The following TSLP variants were observed in gnomAD, a reference collection of about 807,000 sequenced individuals.
The protein encoded by TSLP is thymic stromal lymphopoietin, also known as thymic stroma-derived lymphopoietin.
A neutral mutation model predicts 12.4 loss-of-function variants in TSLP; 12 were observed. That is an observed-to-expected ratio of 0.97 (90% confidence interval 0.62 to 1.57). TSLP has a LOEUF of 1.57. Ranked by LOEUF, TSLP falls within the 40% of genes most tolerant of loss-of-function variation. The pLI is 0.00. For missense variants in TSLP, 222 were observed against 189.6 expected, an observed-to-expected ratio of 1.17 and a Z score of -1.00; for synonymous variants, 97 against 69.5, an observed-to-expected ratio of 1.40 and a Z score of -1.97.
chr5:111,075,897 C>A, intron 3 of TSLP, 49 bp from the exon 4 acceptor site: 1 of 1,595,532 alleles, frequency 6.3e-7, no homozygotes, highest in South Asian at 1.1e-5. Flanking sequence ...TCAACAGTTA[C>A]TAAAGATAGT....
In TSLP at chr5:111,075,951, T is replaced by C. The variant is rs1424404991; in HGVS notation, c.357T>C (p.Asn119=). 1.2e-6 allele frequency: 2 copies of C among 1,612,776 alleles called. No homozygotes were observed. The highest frequency in any genetic ancestry group is 2.2e-5 in the East Asian group (1 of 44,864). ...WCPGYSETQI[N]ATQAMKKRRK... Reference sequence around the variant, plus strand: ...TTGATTCTTATATTCTGCAGATAAATGCTACTCAGGCAATGAAGAAGAGGA... The same window carrying C: ...TTGATTCTTATATTCTGCAGATAAACGCTACTCAGGCAATGAAGAAGAGGA... The change falls in exon 4 of 4, where the codon AAT becomes AAC. Residue 119 remains asparagine, a synonymous_variant. Transcript: ENST00000344895.
intron 3 of TSLP, among the ~76,000 whole-genome samples, chr5:111,073,975 G>T (rs556170826): frequency 1.1e-4 from 16 of 152,234 alleles, no homozygotes; most frequent in African/African-American, 3.9e-4. Flanking sequence ...CCAATTCCCA[G>T]GTACTCAACC....
rs1363708796 is a variant in TSLP at position 111,071,871 on chromosome 5, G to T, written c.-20G>T. 6 of 1,609,278 alleles carry T rather than the reference G, an allele frequency of 3.7e-6. No individual in the cohort carries two copies. Among genetic ancestry groups the T allele is most frequent in the Middle Eastern group, 1.7e-4 (1 of 6,036 alleles). ...GGGAAGAGTTTAGTGTGAAACTGGG[G>T]TGGAATTGGGTGTCCACGTATGTTC... On this transcript the variant is annotated 5_prime_UTR_variant, in exon 1 of 4. Coordinates refer to ENST00000344895, the MANE Select transcript of TSLP (RefSeq NM_033035.5).
chr5:111,071,178 G>C (rs559063322), upstream of TSLP: 2 of 334,136 alleles, frequency 6.0e-6, no homozygotes, highest in African/African-American at 2.1e-5. Context: ...TTCTGGTCAC[G>C]GTTGCACATT....
In TSLP at chr5:111,077,638, A is replaced by G. The variant is rs1393495067; in HGVS notation, c.*1564A>G. On this transcript the variant is annotated 3_prime_UTR_variant, in exon 4 of 4. Coordinates refer to ENST00000344895, the MANE Select transcript of TSLP (RefSeq NM_033035.5). ...CTGAACTATGAAAATAAATACACAT[A>G]ATTTTTCACAAAATTTTGGGCCCAA... 1.3e-5 allele frequency: 2 copies of G among 152,642 alleles called. No individual in the cohort carries two copies. Among genetic ancestry groups the G allele is most frequent in the Non-Finnish European group, 2.9e-5 (2 of 68,042 alleles). 9.5% of individuals were successfully genotyped at this position (152,642 alleles called of 1,614,324 possible).
chr5:111,073,340 C>A, intron 2 of TSLP, 171 bp from the exon 3 acceptor site: 1 of 1,456,546 alleles, frequency 6.9e-7, no homozygotes, highest in Non-Finnish European at 9.0e-7. Flanking sequence ...TGCTCCCCCG[C>A]GGTTGGTTCT....
At position 111,072,648 on chromosome 5, in the gene TSLP, T is replaced by C. The variant is rs568420754; in HGVS notation, c.172-240T>C. Among the ~76,000 whole-genome samples the C allele has an allele frequency of 2.0e-5, 3 of 152,288 alleles. No homozygotes were observed. In the East Asian group the frequency reaches 5.8e-4, roughly 29 times the overall value. On this transcript the variant is annotated intron_variant, in intron 1 of 3. Transcript: ENST00000344895. ...GCATAGTGCTATGTGCAGTTATGGCTTGAGGGAAGGGAGGGGGGAGGTCGC... is the reference window on the plus strand; with the variant it reads ...GCATAGTGCTATGTGCAGTTATGGCCTGAGGGAAGGGAGGGGGGAGGTCGC...
chr5:111,073,443 A>T (rs745782441), intron 2 of TSLP, 68 bp from the exon 3 acceptor site: 1 of 1,603,694 alleles, frequency 6.2e-7, no homozygotes, highest in East Asian at 2.2e-5. Flanking sequence ...CTTTCACTCA[A>T]TTCTCACCAA....
At chr5:111,072,804 G>C (rs979618229) in intron 1 of TSLP, 84 bp from the exon 2 acceptor site, 20 of 1,427,482 alleles carry the variant, frequency 1.4e-5, no homozygotes, top group Non-Finnish European at 1.8e-5. Context: ...CACCTTTAAA[G>C]CCTGGGAGCA....
In TSLP at chr5:111,073,033, G is replaced by A. The variant is rs911002231; in HGVS notation, c.216+101G>A. 2.3e-5 allele frequency: 33 copies of A among 1,405,674 alleles called. No homozygotes were observed. The African/African-American group carries it at 4.7e-4, about 20-fold the overall frequency. 87.1% of individuals were successfully genotyped at this position (1,405,674 alleles called of 1,614,324 possible). On this transcript the variant is annotated intron_variant, in intron 2 of 3. Coordinates refer to ENST00000344895, the MANE Select transcript of TSLP (RefSeq NM_033035.5). ...GTGCAGAACTCCGAGAGGTGCCTGG[G>A]CTCCGGGACGCCGCCGCCGGGGGAA...
intron 1 of TSLP, 29 bp from the exon 2 acceptor site, chr5:111,072,859 C>T (rs747531628): frequency 1.2e-6 from 2 of 1,612,810 alleles, no homozygotes; most frequent in Non-Finnish European, 1.7e-6. Flanking sequence ...AAGTCTTTAC[C>T]CTCTTTGTCC....
At chr5:111,070,377 A>G (rs573770733), upstream of TSLP, 1 of 147,436 alleles carries the variant, frequency 6.8e-6, no homozygotes, top group African/African-American at 2.5e-5. Context: ...CTTCCCAAGG[A>G]CCAGAGCGAT....
chr5:111,073,252 C>T, intron 2 of TSLP: 2 of 1,399,998 alleles, frequency 1.4e-6, no homozygotes, highest in South Asian at 1.6e-5. Context: ...AGCCTCCGCC[C>T]CCTGGAGACT....
rs367976860 is a variant in TSLP, at chr5:111,072,110, C to T, written c.171+49C>T. ...ACAAATGTATTTTCATCAGAGGAGTCGGCATACACACACTCTACAATTTAA... is the reference window on the plus strand; with the variant it reads ...ACAAATGTATTTTCATCAGAGGAGTTGGCATACACACACTCTACAATTTAA... On this transcript the variant is annotated intron_variant, in intron 1 of 3. Coordinates refer to ENST00000344895, the MANE Select transcript of TSLP (RefSeq NM_033035.5). The T allele has an allele frequency of 8.8e-6, 13 of 1,481,046 alleles. 1 individual carries two copies. Among genetic ancestry groups the T allele is most frequent in the South Asian group, 3.6e-5 (3 of 83,122 alleles). 91.7% of individuals were successfully genotyped at this position (1,481,046 alleles called of 1,614,324 possible).
chr5:111,073,272 C>A (rs528959606), intron 2 of TSLP: 1 of 1,412,278 alleles, frequency 7.1e-7, no homozygotes, highest in Non-Finnish European at 9.2e-7. Flanking sequence ...TTGGGAGGAG[C>A]GAGCGTGGGT....
At chr5:111,075,853 T>C in intron 3 of TSLP, 93 bp from the exon 4 acceptor site, 11 of 1,316,918 alleles carry the variant, frequency 8.4e-6, no homozygotes, top group Non-Finnish European at 1.2e-5. Flanking sequence ...CACTGAAAGA[T>C]GGATTTGCAT....
In TSLP at chr5:111,076,053, A is replaced by C; in HGVS notation, c.459A>C (p.Arg153=). 6.2e-7 allele frequency: 1 copy of C among 1,614,066 alleles called. No individual in the cohort carries two copies. Among genetic ancestry groups the C allele is most frequent in the Non-Finnish European group, 8.5e-7 (1 of 1,179,992 alleles). Residue 153 remains arginine (R), a synonymous_variant, in exon 4 of 4, where the codon CGA becomes CGC. Coordinates refer to ENST00000344895, the MANE Select transcript of TSLP (RefSeq NM_033035.5). ...QLQGLWRRFN[R]PLLKQQ is the part of the protein sequence containing the mutation. ...AAGGATTGTGGCGTCGCTTCAATCG[A>C]CCTTTACTGAAACAACAGTAAACCA...
chr5:111,073,326 C>A (rs1479968051), intron 2 of TSLP, 185 bp from the exon 3 acceptor site: 9 of 1,442,476 alleles, frequency 6.2e-6, no homozygotes, highest in Non-Finnish European at 7.2e-6. Flanking sequence ...CCTCGCCACG[C>A]CCCTGCTCCC....
In TSLP at chr5:111,076,220, T is replaced by A. The variant is rs1213249249; in HGVS notation, c.*146T>A. The A allele has an allele frequency of 1.5e-5, 15 of 972,820 alleles. No homozygotes were observed. Among genetic ancestry groups the A allele is most frequent in the Non-Finnish European group, 2.1e-5 (14 of 652,040 alleles). The allele number at this position is 972,820 out of a possible 1,614,324, so 60.3% of individuals were successfully genotyped here. The stretch of plus-strand genomic sequence containing the variant: ...GAGTTTCTTAACTTACTTTTGTAAG[T>A]TTTTATTGTGTAAGTTTATAATGCA... On this transcript the variant is annotated 3_prime_UTR_variant, in exon 4 of 4. Coordinates refer to ENST00000344895, the MANE Select transcript of TSLP (RefSeq NM_033035.5).
Sources: gnomAD v4.1 joint callset for allele counts (sites outside exome capture counted in the v4.1 genomes callset) on GRCh38, gnomAD v4.1.1 for gene constraint, MANE v1.5 for transcripts, NCBI Gene and HGNC (gene_info 2026-07-23, HGNC 2026-07-21) for gene names.